RYR2: variants seen among roughly 807,000 people sequenced by gnomAD.
The protein encoded by RYR2 is cardiac muscle ryanodine receptor-calcium release channel.
A neutral mutation model predicts 601.1 loss-of-function variants in RYR2; 227 were observed. That is an observed-to-expected ratio of 0.38 (90% CI 0.34 to 0.42). RYR2 has a LOEUF of 0.42. Among genes scored for constraint, RYR2 ranks in the 10% least tolerant of loss-of-function variants. The probability of loss-of-function intolerance (pLI) is 1.00; values close to 1 mark genes in which losing one functional copy is unlikely to be tolerated. For synonymous variants in RYR2, 2,223 were observed against 2,175.1 expected, an observed-to-expected ratio of 1.02 and a Z score of -0.61; for missense variants, 4,646 against 6,156.5, an observed-to-expected ratio of 0.75 and a Z score of 8.21.
At chr1:237,760,836 A>G (rs1693370139) in intron 83 of RYR2, 119 bp from the exon 84 acceptor site, 2 of 685,056 alleles carry the variant, frequency 2.9e-6, no homozygotes, top group East Asian at 2.8e-5. Context: ...ACATGTTTTC[A>G]GTGTACGTTA....
chr1:237,300,040 A>C (rs1044848254), intron 2 of RYR2, among the ~76,000 whole-genome samples: 14 of 152,170 alleles, frequency 9.2e-5, no homozygotes, highest in African/African-American at 3.4e-4. Context: ...GAAATGCTGA[A>C]GTTGACTTTA....
In RYR2 at chr1:237,323,211, C is replaced by G. The variant is rs541228146; in HGVS notation, c.169-7667C>G. ...GAATAAAAAGATAGAAACCAGTCTG[C>G]CTGAAGTGAGTTTGAATTAGCAATG... On this transcript the variant is annotated intron_variant, in intron 2 of 104. Transcript: ENST00000366574. Among the ~76,000 whole-genome samples, 15 of 152,030 alleles carry G rather than the reference C, an allele frequency of 9.9e-5. No individual in the cohort carries two copies. The East Asian group carries it at 2.9e-3, about 29-fold the overall frequency.
At chr1:237,367,164 G>C (rs986985707) in intron 5 of RYR2, among the ~76,000 whole-genome samples, 1 of 152,096 alleles carries the variant, frequency 6.6e-6, no homozygotes, top group Non-Finnish European at 1.5e-5. Flanking sequence ...TGTGACCTCG[G>C]CTCACTGCAA....
chr1:237,282,903 A>G (rs938671509), intron 2 of RYR2, among the ~76,000 whole-genome samples: 1 of 152,216 alleles, frequency 6.6e-6, no homozygotes, highest in Non-Finnish European at 1.5e-5. Context: ...GTCAGGTTTC[A>G]AATGCCATGT....
rs146782986 is a variant in RYR2, at chr1:237,153,217, G to A, written c.48+110648G>A. On this transcript the variant is annotated intron_variant, in intron 1 of 104. Transcript: ENST00000366574. ...AGCAAGAATGAACAAGAGACAAAGC[G>A]GTGAAGATTTTGAGATTTGGGGGGA... 3.0e-3 allele frequency among the ~76,000 whole-genome samples: 459 copies of A among 152,244 alleles called. 2 individuals are homozygous for A. Among genetic ancestry groups the A allele is most frequent in the African/African-American group, 7.6e-3 (316 of 41,556 alleles).
intron 89 of RYR2, 147 bp downstream of exon 89, chr1:237,781,793 T>C (rs758280290): frequency 2.8e-5 from 13 of 468,846 alleles, no homozygotes; most frequent in Admixed American, 3.9e-5. Context: ...TTATTCTTTT[T>C]CTCACATTAG....
At chr1:237,255,214 T>G (rs546392869) in intron 1 of RYR2, among the ~76,000 whole-genome samples, 54 of 152,348 alleles carry the variant, frequency 3.5e-4, no homozygotes, top group Non-Finnish European at 6.6e-4. Context: ...TTGATGTTAC[T>G]GTTTGGTGAA....
chr1:237,629,552 T>C (rs1328222859), intron 41 of RYR2, among the ~76,000 whole-genome samples: 3 of 151,984 alleles, frequency 2.0e-5, no homozygotes, highest in African/African-American at 7.2e-5. Context: ...AAAAAAAAGC[T>C]GATGTAGTTA....
intron 1 of RYR2, among the ~76,000 whole-genome samples, chr1:237,075,012 G>T (rs183794227): frequency 2.6e-5 from 4 of 152,242 alleles, no homozygotes; most frequent in Admixed American, 2.0e-4. Flanking sequence ...ATAGAGAAAA[G>T]GCTGTGGGAG....
intron 35 of RYR2, among the ~76,000 whole-genome samples, chr1:237,607,167 A>G (rs757802879): frequency 2.6e-5 from 4 of 152,234 alleles, no homozygotes; most frequent in Non-Finnish European, 1.5e-5. Flanking sequence ...AAGACTTGGA[A>G]CCAACCCAAA....
intron 25 of RYR2, among the ~76,000 whole-genome samples, chr1:237,533,163 C>A (rs1331869457): frequency 2.0e-5 from 3 of 152,116 alleles, no homozygotes; most frequent in East Asian, 1.9e-4. Flanking sequence ...AAAGCTGAGA[C>A]CCTTAAATGA....
At chr1:237,569,778 G>A (rs1277441154) in intron 29 of RYR2, among the ~76,000 whole-genome samples, 1 of 152,158 alleles carries the variant, frequency 6.6e-6, no homozygotes, top group Non-Finnish European at 1.5e-5. Flanking sequence ...CAGATTACCT[G>A]CCAGGGGAGG....
rs1468884704 is a variant in RYR2, at chr1:237,614,812, A to G, written c.5684A>G (p.Gln1895Arg). Reference protein sequence around the residue: ...GGKRPKEGLLQMKLPEPVKLQ... With the variant: ...GGKRPKEGLLRMKLPEPVKLQ... The stretch of plus-strand genomic sequence containing the variant: ...AAGCGGCCCAAGGAAGGCCTGCTCC[A>G]AATGAAACTGCCAGAGCCAGTTAAA... Residue 1895 changes from glutamine (Q) to arginine (R), a missense_variant, in exon 37 of 105, where the codon CAA becomes CGA. By Grantham distance (43) the Gln-to-Arg change is conservative (BLOSUM62 1). Coordinates refer to ENST00000366574, the MANE Select transcript of RYR2 (RefSeq NM_001035.3). The surrounding 1 kb of genome is among the most constrained non-coding windows in gnomAD (Gnocchi z 4.3). 2 of 1,589,538 alleles carry G rather than the reference A, an allele frequency of 1.3e-6. No individual in the cohort carries two copies. Among genetic ancestry groups the G allele is most frequent in the Non-Finnish European group, 1.7e-6 (2 of 1,168,258 alleles).
chr1:237,821,461 G>C (rs1354631944), intron 101 of RYR2, among the ~76,000 whole-genome samples: 2 of 152,072 alleles, frequency 1.3e-5, no homozygotes, highest in Non-Finnish European at 2.9e-5. Flanking sequence ...CTAACAAACA[G>C]AAAGGAATAG....
In RYR2 at chr1:237,469,855, A is replaced by G. The variant is rs373010418; in HGVS notation, c.1708+668A>G. ...TTTATAGGCAGTCAACCCGATACACACATCTCTAATAAGATGTTAGTTTTA... is the reference window on the plus strand; with the variant it reads ...TTTATAGGCAGTCAACCCGATACACGCATCTCTAATAAGATGTTAGTTTTA... On this transcript the variant is annotated intron_variant, in intron 17 of 104. Transcript: ENST00000366574. 3.3e-5 allele frequency among the ~76,000 whole-genome samples: 5 copies of G among 152,358 alleles called. No individual in the cohort carries two copies. In the South Asian group the frequency reaches 6.2e-4, roughly 19 times the overall value.
In RYR2 at chr1:237,625,526, C is replaced by G. The variant is rs6659362; in HGVS notation, c.6023-135C>G. The G allele has an allele frequency of 0.15, 125,818 of 812,178 alleles. 14,283 individuals are homozygous for G. The highest frequency in any genetic ancestry group is 0.52 in the African/African-American group (29,939 of 58,088). The allele number at this position is 812,178 out of a possible 1,614,324, so 50.3% of individuals were successfully genotyped here. ...GTTATTTATGAGGGCTGGTAAGCAA[C>G]ATTGCTTAACTTAATGTTAGATGTT... On this transcript the variant is annotated intron_variant, in intron 39 of 104. Coordinates refer to ENST00000366574, the MANE Select transcript of RYR2 (RefSeq NM_001035.3).
rs2148872734 is a variant in RYR2 at position 237,666,533 on chromosome 1, G to A, written c.8458G>A (p.Gly2820Ser). ...CTAGGTTTCTGTGGACGCTGCCCATGGTTACAGTCCCCGGGCCATTGACAT... is the reference window on the plus strand; with the variant it reads ...CTAGGTTTCTGTGGACGCTGCCCATAGTTACAGTCCCCGGGCCATTGACAT... ...TSQVSVDAAH[G>S]YSPRAIDMSN... The change falls in exon 57 of 105, where the codon GGT (glycine) becomes AGT (serine). Residue 2820 changes from glycine (G) to serine (S), a missense_variant. Transcript: ENST00000366574. The A allele has an allele frequency of 1.2e-6, 2 of 1,612,330 alleles. No homozygotes were observed. Among genetic ancestry groups the A allele is most frequent in the Non-Finnish European group, 1.7e-6 (2 of 1,179,242 alleles).
chr1:237,435,535 T>C (rs1440007276), intron 12 of RYR2, among the ~76,000 whole-genome samples: 1 of 152,128 alleles, frequency 6.6e-6, no homozygotes, highest in Non-Finnish European at 1.5e-5. Flanking sequence ...TCAAGGGGCA[T>C]TGATACACTG....
intron 7 of RYR2, 136 bp from the exon 8 acceptor site, chr1:237,377,187 C>A: frequency 1.8e-6 from 1 of 568,514 alleles, no homozygotes; most frequent in Non-Finnish European, 3.0e-6. Flanking sequence ...TTAATTCTTT[C>A]TCTTTTCATG....
Sources: allele counts gnomAD v4.1 joint callset (sites outside exome capture counted in the v4.1 genomes callset), GRCh38; gene constraint gnomAD v4.1.1; non-coding constraint Gnocchi (gnomAD v3.1); transcripts MANE v1.5; gene names NCBI Gene and HGNC (gene_info 2026-07-23, HGNC 2026-07-21).